ROBO2: variants seen among roughly 807,000 people sequenced by gnomAD.
ROBO2 encodes roundabout homolog 2.
Under a neutral mutation model 160.8 loss-of-function variants are expected in ROBO2, and 53 were observed. That is an observed-to-expected ratio of 0.33 (90% CI 0.26 to 0.41). ROBO2 has a LOEUF of 0.41. Ranked by LOEUF, ROBO2 falls within the 10% of genes least tolerant of loss-of-function variation. The probability of loss-of-function intolerance (pLI) is 1.00; values close to 1 mark genes in which losing one functional copy is unlikely to be tolerated. For missense variants in ROBO2, 1,577 were observed against 1,722.4 expected, an observed-to-expected ratio of 0.92 and a Z score of 1.49; for synonymous variants, 664 against 611.7, an observed-to-expected ratio of 1.09 and a Z score of -1.26.
At chr3:77,454,573 G>A (rs1403977995) in intron 2 of ROBO2, among the ~76,000 whole-genome samples, 1 of 152,096 alleles carries the variant, frequency 6.6e-6, no homozygotes. Context: ...CTCTCTACTG[G>A]CATCATTTGT....
intron 2 of ROBO2, among the ~76,000 whole-genome samples, chr3:76,704,535 A>G (rs369328517): frequency 1.4e-4 from 21 of 152,248 alleles, no homozygotes; most frequent in African/African-American, 4.1e-4. Context: ...GGGTAACACG[A>G]TGAATCATAG....
At position 76,997,597 on chromosome 3, in the gene ROBO2, A is replaced by G. The variant is rs144882915; in HGVS notation, c.110-100417A>G. On this transcript the variant is annotated intron_variant, in intron 2 of 26. Transcript: ENST00000487694. ...AAAGCAATGTAATTATTGTGTTACA[A>G]GTGAAAAGAAATACCAATAGTGTAA... 5.5e-3 allele frequency among the ~76,000 whole-genome samples: 841 copies of G among 152,284 alleles called. 6 individuals carry two copies. Among genetic ancestry groups the G allele is most frequent in the African/African-American group, 0.019 (806 of 41,560 alleles).
At chr3:77,275,296 A>G (rs146893429) in intron 2 of ROBO2, among the ~76,000 whole-genome samples, 4 of 152,308 alleles carry the variant, frequency 2.6e-5, no homozygotes, top group Non-Finnish European at 5.9e-5. Context: ...CTGAAGTCAA[A>G]ACTAAACCTT....
intron 2 of ROBO2, among the ~76,000 whole-genome samples, chr3:76,995,037 T>C (rs2060909678): frequency 6.6e-6 from 1 of 152,138 alleles, no homozygotes; most frequent in Admixed American, 6.6e-5. Flanking sequence ...CCCATGCTGG[T>C]TTGCTGCACC....
chr3:77,047,018 C>G (rs545027126), intron 1 of ROBO2, among the ~76,000 whole-genome samples: 1 of 152,248 alleles, frequency 6.6e-6, no homozygotes, highest in Middle Eastern at 3.4e-3. Flanking sequence ...TAGGTGATTT[C>G]CAGCTGGTAC....
chr3:77,246,062 T>C (rs1458376953), intron 2 of ROBO2, among the ~76,000 whole-genome samples: 1 of 152,194 alleles, frequency 6.6e-6, no homozygotes, highest in Non-Finnish European at 1.5e-5. Flanking sequence ...ACTTAAAACA[T>C]GTAAACATAG....
At chr3:76,529,126 T>C (rs1429342958) in intron 2 of ROBO2, among the ~76,000 whole-genome samples, 4 of 152,098 alleles carry the variant, frequency 2.6e-5, no homozygotes, top group African/African-American at 9.7e-5. Context: ...GCATGTTATG[T>C]AGAAAATAAA....
intron 2 of ROBO2, among the ~76,000 whole-genome samples, chr3:76,041,986 G>C (rs1381676245): frequency 1.5e-5 from 2 of 130,134 alleles, no homozygotes; most frequent in Non-Finnish European, 3.0e-5. Context: ...CAGAGAGTGA[G>C]AGAGAGAGGG....
chr3:77,061,243 G>A (rs1015581818), intron 1 of ROBO2, among the ~76,000 whole-genome samples: 1 of 152,152 alleles, frequency 6.6e-6, no homozygotes, highest in Non-Finnish European at 1.5e-5. Flanking sequence ...TTTATTAGGA[G>A]AAGTCTGAAG....
At chr3:76,256,299 G>GTCTCTCTCTCTCTCTCTC (rs372215718) in intron 2 of ROBO2, among the ~76,000 whole-genome samples, 1 of 92,480 alleles carries the variant, frequency 1.1e-5, no homozygotes, top group Non-Finnish European at 2.2e-5. Flanking sequence ...GACAGAGTGA[G>GTCTCTCTCTCTCTCTCTC]TCTCTCTCTC....
chr3:75,981,530 GTTAAATA>G (rs142817873), intron 2 of ROBO2, among the ~76,000 whole-genome samples: 4,486 of 151,006 alleles, frequency 0.03, 209 homozygotes, highest in African/African-American at 0.096. Flanking sequence ...AAATATTTTA[GTTAAATA>G]TTAAATATTA....
intron 2 of ROBO2, among the ~76,000 whole-genome samples, chr3:75,976,074 G>A (rs1414512974): frequency 6.6e-6 from 1 of 151,576 alleles, no homozygotes; most frequent in Non-Finnish European, 1.5e-5. Context: ...GTGCCTGTGA[G>A]CCTTCACTGG....
intron 2 of ROBO2, among the ~76,000 whole-genome samples, chr3:76,657,384 C>G (rs192122140): frequency 6.6e-6 from 1 of 151,178 alleles, no homozygotes; most frequent in African/African-American, 2.4e-5. Context: ...GAGATCGCGC[C>G]CCTGCACTCC....
intron 2 of ROBO2, among the ~76,000 whole-genome samples, chr3:76,535,375 A>G (rs534378584): frequency 7.5e-4 from 114 of 152,188 alleles, no homozygotes; most frequent in Non-Finnish European, 1.5e-3. Flanking sequence ...GTCTTCTCAA[A>G]GCCTGCTGTG....
intron 2 of ROBO2, among the ~76,000 whole-genome samples, chr3:76,568,747 T>G (rs886807628): frequency 6.6e-6 from 1 of 152,166 alleles, no homozygotes; most frequent in Non-Finnish European, 1.5e-5. Context: ...CCTTATTTAT[T>G]TATCACCAGC....
chr3:76,818,242 A>C (rs1054159475), intron 2 of ROBO2, among the ~76,000 whole-genome samples: 1 of 152,074 alleles, frequency 6.6e-6, no homozygotes, highest in Non-Finnish European at 1.5e-5. Flanking sequence ...CCTGATCATT[A>C]GTGATGTTGA....
intron 2 of ROBO2, among the ~76,000 whole-genome samples, chr3:76,104,412 A>T (rs1401070541): frequency 6.6e-6 from 1 of 152,200 alleles, no homozygotes; most frequent in African/African-American, 2.4e-5. Context: ...GGTGGTAGAT[A>T]GTATACAGAC....
intron 2 of ROBO2, among the ~76,000 whole-genome samples, chr3:76,720,837 C>A (rs1279653909): frequency 6.6e-6 from 1 of 152,170 alleles, no homozygotes; most frequent in Non-Finnish European, 1.5e-5. Flanking sequence ...TAATTCTAGT[C>A]ATCAAGAGCA....
chr3:76,497,490 T>C (rs1193683378), intron 2 of ROBO2, among the ~76,000 whole-genome samples: 1 of 152,214 alleles, frequency 6.6e-6, no homozygotes, highest in Non-Finnish European at 1.5e-5. Context: ...GCCACCACAC[T>C]GGGCAATGTC....
Sources: gnomAD v4.1 joint callset for allele counts (sites outside exome capture counted in the v4.1 genomes callset) on GRCh38, gnomAD v4.1.1 for gene constraint, MANE v1.5 for transcripts, NCBI Gene and HGNC (gene_info 2026-07-23, HGNC 2026-07-21) for gene names.